KAT6B: variants seen among roughly 807,000 people sequenced by gnomAD.
KAT6B encodes lysine acetyltransferase 6B, also known as histone acetyltransferase KAT6B.
KAT6B carries 10 observed loss-of-function variants against 187.5 expected under a neutral mutation model. The observed-to-expected ratio is 0.05, with a 90% CI of 0.03 to 0.09. The LOEUF is 0.09. KAT6B is among the 10% of genes least tolerant of loss of function. The pLI is 1.00. For synonymous variants in KAT6B, 861 were observed against 926.8 expected, an observed-to-expected ratio of 0.93 and a Z score of 1.29; for missense variants, 1,952 against 2,558.9, an observed-to-expected ratio of 0.76 and a Z score of 5.12.
intron 3 of KAT6B, among the ~76,000 whole-genome samples, chr10:74,854,786 T>C (rs891499855): frequency 6.6e-6 from 1 of 152,222 alleles, no homozygotes; most frequent in African/African-American, 2.4e-5. Flanking sequence ...GGTCAACAGA[T>C]GTTTTGGCTC....
intron 3 of KAT6B, among the ~76,000 whole-genome samples, chr10:74,925,148 T>G (rs939275709): frequency 4.5e-4 from 68 of 152,134 alleles, no homozygotes; most frequent in Non-Finnish European, 4.3e-4. Flanking sequence ...CAAGCAATTC[T>G]CCCTACCTCA....
At chr10:74,905,671 C>T (rs910440653) in intron 3 of KAT6B, among the ~76,000 whole-genome samples, 29 of 152,160 alleles carry the variant, frequency 1.9e-4, no homozygotes, top group African/African-American at 6.3e-4. Context: ...CGTTGTTGGG[C>T]ACTAGCGGTG....
intron 3 of KAT6B, among the ~76,000 whole-genome samples, chr10:74,898,997 C>CAAAAAAAAAA (rs776291985): frequency 5.6e-5 from 6 of 108,064 alleles, no homozygotes; most frequent in Admixed American, 1.9e-4. Context: ...ACTAAAAATA[C>CAAAAAAAAAA]AAAAAAAAAA....
chr10:74,911,545 G>A (rs1482636614), intron 3 of KAT6B, among the ~76,000 whole-genome samples: 2 of 152,112 alleles, frequency 1.3e-5, no homozygotes, highest in Non-Finnish European at 2.9e-5. Context: ...TGGGATTACA[G>A]GTGTGAGCCA....
At chr10:74,969,813 G>A (rs777847132) in intron 5 of KAT6B, 38 bp downstream of exon 5, 12 of 1,413,322 alleles carry the variant, frequency 8.5e-6, no homozygotes, top group Non-Finnish European at 1.2e-5. Context: ...CAGGTAACTC[G>A]CTAATTTCCA....
rs151294315 is a variant in KAT6B at position 74,970,310 on chromosome 10, T to A, written c.928+209T>A. ...ATATATATATGTGTATATATATACA[T>A]ATATATAAAATAAAGGCTCTAATTC... On this transcript the variant is annotated intron_variant, in intron 6 of 17. Coordinates refer to ENST00000287239, the MANE Select transcript of KAT6B (RefSeq NM_012330.4). Among the ~76,000 whole-genome samples, 508 of 151,702 alleles carry A rather than the reference T, an allele frequency of 3.3e-3. 5 individuals are homozygous for A. Among genetic ancestry groups the A allele is most frequent in the Non-Finnish European group, 5.0e-3 (340 of 67,914 alleles).
intron 3 of KAT6B, among the ~76,000 whole-genome samples, chr10:74,868,304 A>G (rs1221831094): frequency 6.6e-6 from 1 of 152,192 alleles, no homozygotes. Flanking sequence ...TCCTGAGCTC[A>G]AGCAATCCTC....
intron 3 of KAT6B, among the ~76,000 whole-genome samples, chr10:74,944,452 A>C (rs1350555023): frequency 6.6e-6 from 1 of 152,234 alleles, no homozygotes; most frequent in Non-Finnish European, 1.5e-5. Flanking sequence ...TTCTAACAGA[A>C]ACTGTACAAA....
chr10:74,980,367 T>C (rs1009640389), intron 10 of KAT6B, among the ~76,000 whole-genome samples: 7 of 152,220 alleles, frequency 4.6e-5, no homozygotes, highest in Non-Finnish European at 8.8e-5. Flanking sequence ...GATTTTCTTA[T>C]AGAATAGATC....
intron 7 of KAT6B, among the ~76,000 whole-genome samples, chr10:74,974,062 G>T (rs150747651): frequency 1.3e-5 from 2 of 152,206 alleles, no homozygotes; most frequent in African/African-American, 2.4e-5. Context: ...CTGGGCAATC[G>T]ATTCCAGATA....
At chr10:74,879,821 A>G (rs1262332434) in intron 3 of KAT6B, among the ~76,000 whole-genome samples, 1 of 152,078 alleles carries the variant, frequency 6.6e-6, no homozygotes, top group Non-Finnish European at 1.5e-5. Context: ...CTGGCCAGGC[A>G]TGGTGGCTCA....
chr10:74,841,416 A>G, intron 2 of KAT6B, among the ~76,000 whole-genome samples: 1 of 152,174 alleles, frequency 6.6e-6, no homozygotes, highest in Non-Finnish European at 1.5e-5. Context: ...AAATACAAAC[A>G]TTAGCTGGGT....
chr10:74,959,954 T>G lies in KAT6B; in HGVS notation c.622-16T>G, dbSNP rs1840982563. On this transcript the variant is annotated splice_polypyrimidine_tract_variant and intron_variant, in intron 3 of 17. Transcript: ENST00000287239. ...ATGGAAAAGTGACAGTATTTTTTAT[T>G]TTAATTTTGTCATAGCCCCGTGCTG... 1 of 1,528,438 alleles carries G rather than the reference T, an allele frequency of 6.5e-7. No individual in the cohort carries two copies. The highest frequency in any genetic ancestry group is 1.1e-5 in the South Asian group (1 of 89,138). The allele number at this position is 1,528,438 out of a possible 1,614,324, so 94.7% of individuals were successfully genotyped here.
chr10:74,931,288 C>A (rs1848854109), intron 3 of KAT6B, among the ~76,000 whole-genome samples: 1 of 152,132 alleles, frequency 6.6e-6, no homozygotes, highest in African/African-American at 2.4e-5. Context: ...CCTGTATTTT[C>A]ATCACAGCCA....
At chr10:74,838,784 G>T (rs981068057) in intron 2 of KAT6B, 32 bp downstream of exon 2, 1 of 152,110 alleles carries the variant, frequency 6.6e-6, no homozygotes, top group Non-Finnish European at 1.5e-5. Context: ...CATTTTTAAG[G>T]TATAAAATGA....
At chr10:74,875,315 T>C in intron 3 of KAT6B, among the ~76,000 whole-genome samples, 1 of 152,196 alleles carries the variant, frequency 6.6e-6, no homozygotes, top group East Asian at 1.9e-4. Context: ...CTGTCATCTG[T>C]ATGTGTAATG....
At chr10:74,976,898 T>C (rs890937837) in intron 8 of KAT6B, 4 of 273,432 alleles carry the variant, frequency 1.5e-5, no homozygotes, top group African/African-American at 4.5e-5. Flanking sequence ...ATTGAACAAA[T>C]TGGCCCATTA....
At chr10:74,893,436 A>C (rs1845769936) in intron 3 of KAT6B, among the ~76,000 whole-genome samples, 1 of 151,878 alleles carries the variant, frequency 6.6e-6, no homozygotes. Flanking sequence ...TCTTTTTAAA[A>C]CACTGTCTAG....
At chr10:74,902,708 T>C (rs949170943) in intron 3 of KAT6B, among the ~76,000 whole-genome samples, 7 of 152,220 alleles carry the variant, frequency 4.6e-5, no homozygotes, top group Non-Finnish European at 7.3e-5. Flanking sequence ...GTAGGAATAC[T>C]CTGGCTGTCA....
Sources: gnomAD v4.1 joint callset for allele counts (sites outside exome capture counted in the v4.1 genomes callset) on GRCh38, gnomAD v4.1.1 for gene constraint, MANE v1.5 for transcripts, NCBI Gene and HGNC (gene_info 2026-07-23, HGNC 2026-07-21) for gene names.